CA10: variants seen among roughly 807,000 people sequenced by gnomAD.
The protein encoded by CA10 is carbonic anhydrase 10 (inactive).
Under a neutral mutation model 44.2 loss-of-function variants are expected in CA10, and 14 were observed. The ratio of observed to expected loss-of-function variants is 0.32; its 90% confidence interval spans 0.21 to 0.50. The LOEUF (loss-of-function observed/expected upper bound fraction) is 0.50, where lower values mean the gene tolerates loss of function less well. Ranked by LOEUF, CA10 falls within the 20% of genes least tolerant of loss-of-function variation. The pLI is 0.99. For synonymous variants in CA10, 159 were observed against 141.6 expected, an observed-to-expected ratio of 1.12 and a Z score of -0.87; for missense variants, 350 against 409.7, an observed-to-expected ratio of 0.85 and a Z score of 1.26.
At chr17:51,677,892 C>A (rs991020750) in intron 4 of CA10, among the ~76,000 whole-genome samples, 3 of 143,648 alleles carry the variant, frequency 2.1e-5, no homozygotes, top group African/African-American at 7.3e-5. Flanking sequence ...TACACCCCCC[C>A]CCCCACCGGC....
At chr17:52,053,958 T>C (rs1987151673) in intron 2 of CA10, among the ~76,000 whole-genome samples, 1 of 152,088 alleles carries the variant, frequency 6.6e-6, no homozygotes, top group Admixed American at 6.6e-5. Flanking sequence ...GGAGGATGTA[T>C]GTCACCTCAG....
chr17:51,644,055 A>G (rs1949611846), intron 6 of CA10, among the ~76,000 whole-genome samples: 1 of 152,192 alleles, frequency 6.6e-6, no homozygotes, highest in South Asian at 2.1e-4. Flanking sequence ...CATGGCATTT[A>G]GCCTCCAAAA....
intron 3 of CA10, among the ~76,000 whole-genome samples, chr17:51,833,269 C>T (rs561510023): frequency 3.9e-5 from 6 of 152,292 alleles, no homozygotes; most frequent in African/African-American, 1.2e-4. Context: ...AGGAATGTCA[C>T]CACCCTGGAG....
chr17:52,053,447 C>T (rs1812270803), intron 2 of CA10, among the ~76,000 whole-genome samples: 1 of 152,036 alleles, frequency 6.6e-6, no homozygotes, highest in African/African-American at 2.4e-5. Context: ...AATCAGTATA[C>T]TTGCAAGAAT....
At chr17:51,957,905 C>A (rs1983727171) in intron 2 of CA10, among the ~76,000 whole-genome samples, 1 of 151,922 alleles carries the variant, frequency 6.6e-6, no homozygotes, top group African/African-American at 2.4e-5. Flanking sequence ...CTTTCTCACT[C>A]CCCCCGAGAG....
At position 52,004,630 on chromosome 17, in the gene CA10, T is replaced by C. The variant is rs895122807; in HGVS notation, c.136+67689A>G. Among the ~76,000 whole-genome samples the C allele has an allele frequency of 2.6e-5, 4 of 151,936 alleles. No individual in the cohort carries two copies. The East Asian group carries it at 5.8e-4, about 22-fold the overall frequency. ...GAGATCTGGAATAAATGTATGACTT[T>C]TGCATTATTAGTACACATGACATTA... On this transcript the variant is annotated intron_variant, in intron 2 of 8. Coordinates refer to ENST00000451037, the MANE Select transcript of CA10 (RefSeq NM_020178.5).
intron 3 of CA10, among the ~76,000 whole-genome samples, chr17:51,881,355 T>A (rs953468640): frequency 6.6e-6 from 1 of 152,080 alleles, no homozygotes; most frequent in African/African-American, 2.4e-5. Context: ...AGCATAATGT[T>A]TTTATAATCT....
At chr17:52,085,877 G>A (rs1345024613) in intron 1 of CA10, among the ~76,000 whole-genome samples, 2 of 152,038 alleles carry the variant, frequency 1.3e-5, no homozygotes, top group Admixed American at 1.3e-4. Flanking sequence ...ATTCTTTACT[G>A]TATATCCAAA....
At chr17:51,910,406 T>C (rs947772388) in intron 3 of CA10, among the ~76,000 whole-genome samples, 1 of 152,178 alleles carries the variant, frequency 6.6e-6, no homozygotes, top group Non-Finnish European at 1.5e-5. Context: ...CTTCACTTAA[T>C]TGTTTTGTTC....
chr17:51,870,690 A>G (rs1244201525), intron 3 of CA10, among the ~76,000 whole-genome samples: 1 of 152,224 alleles, frequency 6.6e-6, no homozygotes, highest in Non-Finnish European at 1.5e-5. Flanking sequence ...CGTGGAAGCA[A>G]TCGCCATCAA....
At chr17:51,834,906 G>A (rs1445263662) in intron 3 of CA10, among the ~76,000 whole-genome samples, 1 of 152,168 alleles carries the variant, frequency 6.6e-6, no homozygotes, top group Non-Finnish European at 1.5e-5. Context: ...ATGGGCAGAG[G>A]ATCAGTATGA....
intron 6 of CA10, among the ~76,000 whole-genome samples, chr17:51,644,533 CT>C (rs1913239111): frequency 2.0e-5 from 3 of 152,144 alleles, no homozygotes; most frequent in Admixed American, 2.0e-4. Flanking sequence ...TCAGTTCTCC[CT>C]CCTGAAATCC....
chr17:51,860,488 A>G (rs1979254452), intron 3 of CA10, among the ~76,000 whole-genome samples: 1 of 152,214 alleles, frequency 6.6e-6, no homozygotes, highest in Admixed American at 6.5e-5. Flanking sequence ...CTGACATTCC[A>G]TGCTGCAGAT....
At chr17:51,649,555 C>T (rs144577737) in intron 5 of CA10, among the ~76,000 whole-genome samples, 107 of 152,170 alleles carry the variant, frequency 7.0e-4, no homozygotes, top group African/African-American at 2.3e-3. Flanking sequence ...AGTCATGAGT[C>T]TGAGAGGATG....
intron 3 of CA10, among the ~76,000 whole-genome samples, chr17:51,828,025 A>T (rs576466762): frequency 4.1e-4 from 62 of 152,160 alleles, no homozygotes; most frequent in Non-Finnish European, 7.9e-4. Flanking sequence ...CCATCTCTGA[A>T]TACATGAACT....
intron 1 of CA10, among the ~76,000 whole-genome samples, chr17:52,147,126 T>C (rs914931295): frequency 6.6e-6 from 1 of 152,184 alleles, no homozygotes; most frequent in African/African-American, 2.4e-5. Flanking sequence ...TAAAGTTTCT[T>C]TTTACAGTAC....
intron 2 of CA10, among the ~76,000 whole-genome samples, chr17:51,959,209 CTT>C (rs112948472): frequency 3.5e-4 from 43 of 122,222 alleles, no homozygotes; most frequent in Non-Finnish European, 3.3e-4. Context: ...GGAAGACATT[CTT>C]TTTTTTTTTT....
At chr17:51,800,537 T>G (rs1306378510) in intron 3 of CA10, among the ~76,000 whole-genome samples, 1 of 152,056 alleles carries the variant, frequency 6.6e-6, no homozygotes, top group Admixed American at 6.5e-5. Flanking sequence ...ATGAGATAAT[T>G]CCTTTAAAGT....
chr17:51,918,345 C>T (rs764957296), intron 3 of CA10, among the ~76,000 whole-genome samples: 4 of 152,046 alleles, frequency 2.6e-5, no homozygotes, highest in Non-Finnish European at 5.9e-5. Context: ...GAGGAAAATG[C>T]AAATTGAGAA....
Sources: gnomAD v4.1 joint callset for allele counts (sites outside exome capture counted in the v4.1 genomes callset) on GRCh38, gnomAD v4.1.1 for gene constraint, MANE v1.5 for transcripts, NCBI Gene and HGNC (gene_info 2026-07-23, HGNC 2026-07-21) for gene names.